MAP1B: variants seen among roughly 807,000 people sequenced by gnomAD.
MAP1B encodes the protein microtubule-associated protein 1B.
Under a neutral mutation model 176.1 loss-of-function variants are expected in MAP1B, and 12 were observed. That is an observed-to-expected ratio of 0.07 (90% confidence interval 0.04 to 0.11). The LOEUF (loss-of-function observed/expected upper bound fraction) is 0.11, where lower values mean the gene tolerates loss of function less well. MAP1B is among the 10% of genes least tolerant of loss of function. The pLI, the probability that MAP1B is intolerant of heterozygous loss-of-function variation, is 1.00. For synonymous variants in MAP1B, 1,044 were observed against 1,135.0 expected (o/e 0.92, Z 1.61); for missense variants, 2,523 against 2,990.5 (o/e 0.84, Z 3.65).
intron 2 of MAP1B, among the ~76,000 whole-genome samples, chr5:72,118,126 T>G (rs900070308): frequency 2.0e-5 from 3 of 152,220 alleles, no homozygotes; most frequent in African/African-American, 7.2e-5. Context: ...CTCATGTACT[T>G]CAGTTCCCCT....
chr5:72,183,881 C>A, intron 3 of MAP1B, 56 bp downstream of exon 3: 1 of 1,482,874 alleles, frequency 6.7e-7, no homozygotes, highest in Non-Finnish European at 9.4e-7. Context: ...GGATAGGGAC[C>A]CAGTGGATTA....
Position 72,198,880 on chromosome 5 carries a change from A to C in MAP1B, c.5525A>C (p.Gln1842Pro). ...GCCTCAGTGTTATTCGATACAATGC[A>C]ACACCATCTAGCCTTGAATAGAGAT... Reference protein sequence around the residue: ...FRASVLFDTMQHHLALNRDLS... With the variant: ...FRASVLFDTMPHHLALNRDLS... Residue 1842 changes from glutamine to proline, a missense_variant, in exon 5 of 7, where the codon CAA becomes CCA. Coordinates refer to ENST00000296755, the MANE Select transcript of MAP1B (RefSeq NM_005909.5). 1 of 1,614,236 alleles carries C rather than the reference A, an allele frequency of 6.2e-7. No homozygotes were observed. The highest frequency in any genetic ancestry group is 8.5e-7 in the Non-Finnish European group (1 of 1,180,040).
chr5:72,132,976 A>T lies in MAP1B; in HGVS notation c.286+17177A>T, dbSNP rs554594455. Reference sequence around the variant, plus strand: ...CAGAGGGTTGTAGGGACTCCTTAGCAAGGCTGCCCACTTGGGAGCTGGCAA... The same window carrying T: ...CAGAGGGTTGTAGGGACTCCTTAGCTAGGCTGCCCACTTGGGAGCTGGCAA... On this transcript the variant is annotated intron_variant, in intron 2 of 6. Transcript: ENST00000296755. Among the ~76,000 whole-genome samples, 5 of 152,180 alleles carry T rather than the reference A, an allele frequency of 3.3e-5. No individual in the cohort carries two copies. In the East Asian group the frequency reaches 9.7e-4, roughly 29 times the overall value.
Position 72,151,912 on chromosome 5 carries a change from A to G in MAP1B, c.287-31831A>G, listed in dbSNP as rs191137473. ...TATTTTTAGATAACTTTAGATTTAC[A>G]GACCAGTTGCAGAGATAGTACAGAG... On this transcript the variant is annotated intron_variant, in intron 2 of 6. Transcript: ENST00000296755. 1.9e-4 allele frequency among the ~76,000 whole-genome samples: 29 copies of G among 152,360 alleles called. No homozygotes were observed. The Middle Eastern group carries it at 0.014, about 71-fold the overall frequency.
chr5:72,129,305 C>T (rs1216558852), intron 2 of MAP1B, among the ~76,000 whole-genome samples: 1 of 152,192 alleles, frequency 6.6e-6, no homozygotes, highest in Non-Finnish European at 1.5e-5. Context: ...CCTGTAATCC[C>T]AGCACTTTGG....
chr5:72,109,871 C>T (rs779017776), intron 1 of MAP1B, among the ~76,000 whole-genome samples: 2 of 152,202 alleles, frequency 1.3e-5, no homozygotes, highest in Non-Finnish European at 2.9e-5. Context: ...ACCTTCGGAT[C>T]GTAATTATCT....
intron 2 of MAP1B, among the ~76,000 whole-genome samples, chr5:72,171,791 G>C (rs1284666168): frequency 6.6e-6 from 1 of 152,112 alleles, no homozygotes; most frequent in Non-Finnish European, 1.5e-5. Context: ...TCTGGAAGAG[G>C]GAAGAACCAA....
intron 5 of MAP1B, 88 bp from the exon 6 acceptor site, chr5:72,203,475 A>C: frequency 1.1e-6 from 1 of 902,630 alleles, no homozygotes; most frequent in Non-Finnish European, 1.8e-6. Context: ...TTGAATAGGG[A>C]AGGTGTGATT....
At chr5:72,142,739 A>G (rs1032607195) in intron 2 of MAP1B, among the ~76,000 whole-genome samples, 1 of 152,042 alleles carries the variant, frequency 6.6e-6, no homozygotes, top group Non-Finnish European at 1.5e-5. Flanking sequence ...ATTAAAAAAA[A>G]AAAAAGTAAA....
chr5:72,184,002 C>A (rs1010718152), intron 3 of MAP1B, among the ~76,000 whole-genome samples, 177 bp downstream of exon 3: 2 of 152,194 alleles, frequency 1.3e-5, no homozygotes, highest in African/African-American at 4.8e-5. Context: ...CGGTACCATC[C>A]AGACCACTCC....
intron 2 of MAP1B, among the ~76,000 whole-genome samples, chr5:72,133,980 T>A (rs1371134685): frequency 6.6e-6 from 1 of 152,228 alleles, no homozygotes; most frequent in Non-Finnish European, 1.5e-5. Context: ...TCTTTATGGA[T>A]ATTGTGGAAA....
chr5:72,169,107 G>A (rs1034054866), intron 2 of MAP1B, among the ~76,000 whole-genome samples: 4 of 152,178 alleles, frequency 2.6e-5, no homozygotes, highest in African/African-American at 4.8e-5. Context: ...TAGTGACCTT[G>A]TGAAGACCTT....
At chr5:72,179,163 C>G (rs978034845) in intron 2 of MAP1B, among the ~76,000 whole-genome samples, 1 of 152,108 alleles carries the variant, frequency 6.6e-6, no homozygotes, top group African/African-American at 2.4e-5. Context: ...CCACCCAGGT[C>G]GAGGCTTCAC....
At chr5:72,121,882 C>T (rs895706231) in intron 2 of MAP1B, among the ~76,000 whole-genome samples, 7 of 152,162 alleles carry the variant, frequency 4.6e-5, no homozygotes, top group East Asian at 1.9e-4. Context: ...TATGTTCTAG[C>T]GGCATTCAAG....
intron 2 of MAP1B, among the ~76,000 whole-genome samples, chr5:72,129,279 G>A (rs1222274695): frequency 6.6e-6 from 1 of 152,212 alleles, no homozygotes; most frequent in Non-Finnish European, 1.5e-5. Flanking sequence ...AATAGGGCCG[G>A]GTGTGGTGGC....
chr5:72,199,702 C>T lies in MAP1B; in HGVS notation c.6347C>T (p.Thr2116Ile), dbSNP rs1411261428. ...PLEWFASEEP[T>I]EESEKPLTQS... is the part of the protein sequence containing the mutation. ...GAGTGGTTTGCCAGTGAAGAACCCA[C>T]TGAAGAATCTGAAAAGCCCCTCACT... Residue 2116 changes from threonine (T) to isoleucine (I), a missense_variant, in exon 5 of 7, where the codon ACT becomes ATT. By Grantham distance (89) the Thr-to-Ile change is moderately conservative. Coordinates refer to ENST00000296755, the MANE Select transcript of MAP1B (RefSeq NM_005909.5). The surrounding 1 kb of genome is among the most constrained non-coding windows in gnomAD (Gnocchi z 4.2). The T allele has an allele frequency of 6.2e-7, 1 of 1,614,178 alleles. No homozygotes were observed. Among genetic ancestry groups the T allele is most frequent in the Non-Finnish European group, 8.5e-7 (1 of 1,180,028 alleles).
chr5:72,123,170 GC>G (rs974598201), intron 2 of MAP1B, among the ~76,000 whole-genome samples: 1 of 152,144 alleles, frequency 6.6e-6, no homozygotes, highest in Non-Finnish European at 1.5e-5. Flanking sequence ...TAATAAGAAA[GC>G]AACTGTAAGG....
rs769727332 is a variant in MAP1B, at chr5:72,203,730, G to C, written c.7180G>C (p.Ala2394Pro). The part of the protein sequence containing the change: ...YYVVSGNDPA[A>P]EEPSRAVLDA... ...CGTGGTGAGTGGGAATGACCCTGCT[G>C]CTGAGGAGCCCAGCCGGGCTGTCCT... Residue 2394 changes from alanine to proline, a missense_variant, in exon 6 of 7, where the codon GCT (alanine) becomes CCT (proline). Ala to Pro is a conservative substitution (Grantham distance 27, BLOSUM62 -1). Transcript: ENST00000296755. 6.2e-7 allele frequency: 1 copy of C among 1,613,790 alleles called. No individual in the cohort carries two copies. Among genetic ancestry groups the C allele is most frequent in the Non-Finnish European group, 8.5e-7 (1 of 1,180,024 alleles).
chr5:72,128,094 T>A (rs550867672), intron 2 of MAP1B, among the ~76,000 whole-genome samples: 1 of 152,286 alleles, frequency 6.6e-6, no homozygotes, highest in African/African-American at 2.4e-5. Context: ...TCAGGCAAGA[T>A]GAGTGCACAC....
Sources: gnomAD v4.1 joint callset for allele counts (sites outside exome capture counted in the v4.1 genomes callset) on GRCh38, gnomAD v4.1.1 for gene constraint, Gnocchi (gnomAD v3.1) non-coding constraint, MANE v1.5 for transcripts, NCBI Gene and HGNC (gene_info 2026-07-23, HGNC 2026-07-21) for gene names.